The following GPC5 variants were observed in gnomAD, a reference collection of about 807,000 sequenced individuals.
GPC5 encodes glypican 5.
Under a neutral mutation model 53.9 loss-of-function variants are expected in GPC5, and 47 were observed. The observed-to-expected ratio is 0.87, with a 90% CI of 0.69 to 1.11. The LOEUF (loss-of-function observed/expected upper bound fraction) is 1.11, where lower values mean the gene tolerates loss of function less well. GPC5 is among the 50% of genes most tolerant of loss of function. GPC5 has a pLI of 0.00. For synonymous variants in GPC5, 286 were observed against 263.3 expected, an observed-to-expected ratio of 1.09 and a Z score of -0.84; for missense variants, 748 against 713.1, an observed-to-expected ratio of 1.05 and a Z score of -0.56.
intron 5 of GPC5, among the ~76,000 whole-genome samples, chr13:91,812,241 G>A (rs1477409686): frequency 6.6e-6 from 1 of 152,096 alleles, no homozygotes; most frequent in Non-Finnish European, 1.5e-5. Context: ...CTTTTAAGTT[G>A]ATTAAATCTT....
intron 7 of GPC5, among the ~76,000 whole-genome samples, chr13:92,745,620 T>A (rs1382522787): frequency 6.6e-6 from 1 of 152,062 alleles, no homozygotes; most frequent in Admixed American, 6.6e-5. Flanking sequence ...TACTTATAAG[T>A]CCTTGTCTAG....
intron 7 of GPC5, among the ~76,000 whole-genome samples, chr13:92,595,762 T>C (rs1312593182): frequency 5.4e-4 from 50 of 92,686 alleles, no homozygotes; most frequent in Non-Finnish European, 1.1e-3. Context: ...AGCGAGACTC[T>C]GTCTCAAAAA....
chr13:91,546,744 G>T (rs995113686), intron 2 of GPC5, among the ~76,000 whole-genome samples: 1 of 152,068 alleles, frequency 6.6e-6, no homozygotes. Context: ...TCTTTTAAGC[G>T]ATATCGAGGA....
chr13:92,555,891 G>A (rs1035228396), intron 7 of GPC5, among the ~76,000 whole-genome samples: 4 of 151,374 alleles, frequency 2.6e-5, no homozygotes, highest in Non-Finnish European at 5.9e-5. Context: ...CAGCCAAGAA[G>A]AAGGAGAGTA....
intron 7 of GPC5, among the ~76,000 whole-genome samples, chr13:92,753,033 G>A (rs900173828): frequency 7.9e-5 from 12 of 152,290 alleles, no homozygotes; most frequent in African/African-American, 2.6e-4. Context: ...CACCTCTGGG[G>A]GCAGGGCACA....
intron 7 of GPC5, among the ~76,000 whole-genome samples, chr13:92,578,443 T>C (rs534475221): frequency 2.0e-5 from 3 of 152,174 alleles, no homozygotes; most frequent in Admixed American, 6.5e-5. Flanking sequence ...CATGGGGAGA[T>C]ACCTTATGGA....
Position 92,412,416 on chromosome 13 carries a change from C to G in GPC5, c.1561+267427C>G, listed in dbSNP as rs1206067773. ...AACATAACAATTCAGTAAATGATAT[C>G]GTGTGTTCAGTAGGAAACTACTATC... On this transcript the variant is annotated intron_variant, in intron 7 of 7. Coordinates refer to ENST00000377067, the MANE Select transcript of GPC5 (RefSeq NM_004466.6). Among the ~76,000 whole-genome samples, 5 of 152,240 alleles carry G rather than the reference C, an allele frequency of 3.3e-5. No individual in the cohort carries two copies. The South Asian group carries it at 1.0e-3, about 32-fold the overall frequency.
chr13:92,027,749 T>C, intron 6 of GPC5, among the ~76,000 whole-genome samples: 1 of 152,160 alleles, frequency 6.6e-6, no homozygotes, highest in East Asian at 1.9e-4. Flanking sequence ...ACCCATTCAC[T>C]TAACAACATA....
At chr13:91,846,508 A>C (rs757310110) in intron 5 of GPC5, among the ~76,000 whole-genome samples, 13 of 152,142 alleles carry the variant, frequency 8.5e-5, no homozygotes, top group Non-Finnish European at 1.8e-4. Flanking sequence ...GTATACCTTT[A>C]TAATAAGCTA....
In GPC5 at chr13:91,767,328, A is replaced by G. The variant is rs535517389; in HGVS notation, c.1280+10908A>G. Among the ~76,000 whole-genome samples the G allele has an allele frequency of 5.9e-5, 9 of 152,350 alleles. No individual in the cohort carries two copies. In the East Asian group the frequency reaches 9.7e-4, roughly 16 times the overall value. On this transcript the variant is annotated intron_variant, in intron 5 of 7. Transcript: ENST00000377067. The stretch of plus-strand genomic sequence containing the variant: ...TGATAGTCACTTGAACCCATGCACT[A>G]TATCAGTGTTTTCAAGGGAGAACTG...
chr13:92,853,693 A>G (rs1376337553), intron 7 of GPC5, among the ~76,000 whole-genome samples: 4 of 152,196 alleles, frequency 2.6e-5, no homozygotes, highest in Non-Finnish European at 5.9e-5. Context: ...GAACACTAGA[A>G]GAAGAAACTG....
intron 2 of GPC5, among the ~76,000 whole-genome samples, chr13:91,511,706 T>C (rs1256757084): frequency 6.6e-6 from 1 of 152,148 alleles, no homozygotes; most frequent in Admixed American, 6.5e-5. Context: ...AGTATTTCCA[T>C]ATGGTTTTTT....
rs557158858 is a variant in GPC5, at chr13:92,810,821, A to C, written c.1562-55461A>C. Among the ~76,000 whole-genome samples, 65 of 152,026 alleles carry C rather than the reference A, an allele frequency of 4.3e-4. 2 individuals carry two copies. The highest frequency in any genetic ancestry group is 1.5e-3 in the African/African-American group (63 of 41,350). ...CTGCAACCTTTGCCTCCTGGGTTCA[A>C]GTGATTCTTCTGCCTCAGCCTCCAG... On this transcript the variant is annotated intron_variant, in intron 7 of 7. Coordinates refer to ENST00000377067, the MANE Select transcript of GPC5 (RefSeq NM_004466.6).
At chr13:92,594,766 C>G (rs1447225071) in intron 7 of GPC5, among the ~76,000 whole-genome samples, 1 of 152,156 alleles carries the variant, frequency 6.6e-6, no homozygotes, top group African/African-American at 2.4e-5. Context: ...TGAAACGTCC[C>G]CATTCCTATC....
At chr13:91,680,417 C>A (rs1400610702) in intron 2 of GPC5, among the ~76,000 whole-genome samples, 1 of 152,164 alleles carries the variant, frequency 6.6e-6, no homozygotes, top group African/African-American at 2.4e-5. Context: ...ACACTGCACT[C>A]CAGCCTGGGC....
intron 5 of GPC5, among the ~76,000 whole-genome samples, chr13:91,868,525 CA>C: frequency 6.6e-6 from 1 of 151,926 alleles, no homozygotes; most frequent in African/African-American, 2.4e-5. Flanking sequence ...GGTAATATAG[CA>C]AAAAACCCTG....
chr13:91,905,531 A>T (rs1950051442), intron 5 of GPC5, among the ~76,000 whole-genome samples: 1 of 152,108 alleles, frequency 6.6e-6, no homozygotes, highest in African/African-American at 2.4e-5. Context: ...TCCAATGGAT[A>T]GTATCATTAT....
At chr13:91,763,545 G>T (rs1267618523) in intron 5 of GPC5, among the ~76,000 whole-genome samples, 2 of 152,126 alleles carry the variant, frequency 1.3e-5, no homozygotes, top group South Asian at 2.1e-4. Context: ...AATAAAAATT[G>T]CAGTTTCAGA....
At chr13:92,396,722 C>A (rs1471250976) in intron 7 of GPC5, among the ~76,000 whole-genome samples, 1 of 152,172 alleles carries the variant, frequency 6.6e-6, no homozygotes, top group Non-Finnish European at 1.5e-5. Flanking sequence ...TTGCCTTTTA[C>A]ATGCTTCAGA....
Sources: allele counts gnomAD v4.1 joint callset (sites outside exome capture counted in the v4.1 genomes callset), GRCh38; gene constraint gnomAD v4.1.1; transcripts MANE v1.5; gene names NCBI Gene and HGNC (gene_info 2026-07-23, HGNC 2026-07-21).